The following NEDD4 variants were observed in gnomAD, a reference collection of about 807,000 sequenced individuals.
NEDD4 encodes the protein NEDD4 E3 ubiquitin protein ligase, also known as E3 ubiquitin-protein ligase NEDD4.
A neutral mutation model predicts 144.9 loss-of-function variants in NEDD4; 99 were observed. The ratio of observed to expected loss-of-function variants is 0.68; its 90% CI spans 0.58 to 0.81. NEDD4 has a LOEUF of 0.81. Ranked by LOEUF, NEDD4 falls within the 30% of genes least tolerant of loss-of-function variation. The pLI, the probability that NEDD4 is intolerant of heterozygous loss-of-function variation, is 0.00. For synonymous variants in NEDD4, 318 were observed against 350.6 expected (o/e 0.91, Z 1.04); for missense variants, 985 against 1,065.9 (o/e 0.92, Z 1.06).
At chr15:55,955,891 C>T (rs1040930804) in intron 2 of NEDD4, among the ~76,000 whole-genome samples, 6 of 150,804 alleles carry the variant, frequency 4.0e-5, no homozygotes, top group Non-Finnish European at 8.8e-5. Flanking sequence ...ACACGGCTCA[C>T]TGTAGCCTCA....
chr15:55,935,042 A>G (rs2036859491), intron 4 of NEDD4, among the ~76,000 whole-genome samples: 1 of 151,536 alleles, frequency 6.6e-6, no homozygotes, highest in Non-Finnish European at 1.5e-5. Context: ...CTAATTTTGC[A>G]TTTTTAGTAG....
intron 1 of NEDD4, among the ~76,000 whole-genome samples, chr15:55,988,442 T>C (rs536849115): frequency 8.2e-4 from 98 of 119,084 alleles, no homozygotes; most frequent in Middle Eastern, 4.5e-3. Flanking sequence ...ACCTGCGCAA[T>C]GTGCACATGT....
chr15:55,990,377 C>T (rs1479302565), intron 1 of NEDD4, among the ~76,000 whole-genome samples: 2 of 152,048 alleles, frequency 1.3e-5, no homozygotes, highest in African/African-American at 2.4e-5. Context: ...GCTACTACCT[C>T]TCCCAGTCAG....
rs533783393 is a variant in NEDD4 at position 55,930,705 on chromosome 15, G to A, written c.238-6006C>T. ...GCTAGGTGGAGATAATTGAATCATG[G>A]GGGTAGTTTCCCCCATACTGTTCTC... On this transcript the variant is annotated intron_variant, in intron 4 of 28. Transcript: ENST00000435532. 5.9e-5 allele frequency among the ~76,000 whole-genome samples: 9 copies of A among 152,196 alleles called. No homozygotes were observed. In the South Asian group the frequency reaches 1.9e-3, roughly 32 times the overall value.
chr15:55,966,419 A>C, intron 2 of NEDD4, 54 bp downstream of exon 2: 1 of 1,122,732 alleles, frequency 8.9e-7, no homozygotes, highest in Non-Finnish European at 1.3e-6. Context: ...GTTTGGAAAA[A>C]ACTAATTAAC....
Position 55,991,309 on chromosome 15 carries a change from G to C in NEDD4, c.45+2202C>G, listed in dbSNP as rs1357974894. On this transcript the variant is annotated intron_variant, in intron 1 of 28. Transcript: ENST00000435532. ...AGGGGTGTTTGGGGGTGGGGAGGAT[G>C]GGGGAGTGTGGTTTCAATCCTTCTT... Among the ~76,000 whole-genome samples the C allele has an allele frequency of 3.3e-5, 5 of 152,278 alleles. No homozygotes were observed. In the South Asian group the frequency reaches 1.0e-3, roughly 32 times the overall value.
chr15:55,958,416 T>C (rs1037147585), intron 2 of NEDD4, among the ~76,000 whole-genome samples: 1 of 152,190 alleles, frequency 6.6e-6, no homozygotes, highest in Non-Finnish European at 1.5e-5. Context: ...TTTAATTTCA[T>C]TTTTGCATCT....
intron 4 of NEDD4, among the ~76,000 whole-genome samples, chr15:55,940,229 G>A (rs1307807858): frequency 6.6e-6 from 1 of 151,990 alleles, no homozygotes; most frequent in Admixed American, 6.5e-5. Flanking sequence ...TGTGAAGAGG[G>A]TACATATCAA....
At chr15:55,943,197 A>G (rs532905111) in intron 4 of NEDD4, among the ~76,000 whole-genome samples, 3 of 152,380 alleles carry the variant, frequency 2.0e-5, no homozygotes, top group Admixed American at 6.5e-5. Flanking sequence ...AAAGCAGAGC[A>G]TAAAAGTTGG....
chr15:55,842,895 G>A (rs1477112797), intron 18 of NEDD4, among the ~76,000 whole-genome samples: 2 of 152,160 alleles, frequency 1.3e-5, no homozygotes, highest in African/African-American at 2.4e-5. Flanking sequence ...TTTACAGACT[G>A]TGCCAGTGAT....
At chr15:55,837,975 C>T in intron 23 of NEDD4, 126 bp from the exon 24 acceptor site, 1 of 887,470 alleles carries the variant, frequency 1.1e-6, no homozygotes, top group Non-Finnish European at 1.8e-6. Flanking sequence ...TGAGTGCTTG[C>T]TACTGCATTG....
chr15:55,827,511 A>C lies in NEDD4; in HGVS notation c.*2386T>G, dbSNP rs1163570047. ...AAATGAGTATCAGCCAGATACAAAG[A>C]AAGCTTTGTATTTTCTCATGCTTAG... is the stretch of plus-strand genomic sequence containing the variant. On this transcript the variant is annotated 3_prime_UTR_variant, in exon 29 of 29. Coordinates refer to ENST00000435532, the MANE Select transcript of NEDD4 (RefSeq NM_006154.4). The C allele has an allele frequency of 1.3e-5, 2 of 152,204 alleles. No individual in the cohort carries two copies. The highest frequency in any genetic ancestry group is 1.3e-4 in the Admixed American group (2 of 15,288). 9.4% of individuals were successfully genotyped at this position (152,204 alleles called of 1,614,324 possible).
chr15:55,940,167 A>G (rs1408919553), intron 4 of NEDD4, among the ~76,000 whole-genome samples: 1 of 152,214 alleles, frequency 6.6e-6, no homozygotes, highest in African/African-American at 2.4e-5. Context: ...TCAAATTCAT[A>G]GAAGCAGAGA....
intron 5 of NEDD4, among the ~76,000 whole-genome samples, chr15:55,874,739 C>T (rs529186240): frequency 1.7e-4 from 26 of 152,052 alleles, no homozygotes; most frequent in Non-Finnish European, 3.5e-4. Flanking sequence ...TTTGGGAGGC[C>T]GAGGTGGGCG....
At chr15:55,983,863 A>G (rs1194106353) in intron 1 of NEDD4, among the ~76,000 whole-genome samples, 1 of 152,062 alleles carries the variant, frequency 6.6e-6, no homozygotes, top group Non-Finnish European at 1.5e-5. Flanking sequence ...CACCCATCTC[A>G]GCCTCCGAAA....
chr15:55,981,812 G>T (rs1160769331), intron 1 of NEDD4, among the ~76,000 whole-genome samples: 1 of 152,190 alleles, frequency 6.6e-6, no homozygotes, highest in East Asian at 1.9e-4. Context: ...AGATGATTCA[G>T]ATGGACACTA....
intron 5 of NEDD4, chr15:55,917,101 C>A: frequency 8.4e-7 from 1 of 1,187,162 alleles, no homozygotes; most frequent in Non-Finnish European, 1.0e-6. Flanking sequence ...ACTTGATTTC[C>A]AGCGACCTTT....
intron 8 of NEDD4, among the ~76,000 whole-genome samples, chr15:55,869,318 A>G (rs555132263): frequency 2.8e-4 from 42 of 152,358 alleles, no homozygotes; most frequent in Admixed American, 5.9e-4. Context: ...TGGAGAATAT[A>G]CAGTTTTAGA....
intron 2 of NEDD4, among the ~76,000 whole-genome samples, chr15:55,958,808 A>C (rs2037380546): frequency 6.6e-6 from 1 of 151,782 alleles, no homozygotes; most frequent in Admixed American, 6.6e-5. Context: ...ACTGATACAA[A>C]ATTGTACAAA....
Sources: gnomAD v4.1 joint callset for allele counts (sites outside exome capture counted in the v4.1 genomes callset) on GRCh38, gnomAD v4.1.1 for gene constraint, MANE v1.5 for transcripts, NCBI Gene and HGNC (gene_info 2026-07-23, HGNC 2026-07-21) for gene names.